The following EXPH5 variants were observed in gnomAD, a reference collection of about 807,000 sequenced individuals.
The protein encoded by EXPH5 is exophilin-5.
EXPH5 carries 42 observed loss-of-function variants against 41.1 expected under a neutral mutation model. The ratio of observed to expected loss-of-function variants is 1.02; its 90% confidence interval spans 0.80 to 1.32. The LOEUF is 1.32. Among genes scored for constraint, EXPH5 ranks in the 40% most tolerant of loss-of-function variants. EXPH5 has a pLI of 0.00. For synonymous variants in EXPH5, 798 were observed against 833.5 expected (o/e 0.96, Z 0.73); for missense variants, 2,298 against 2,314.5 (o/e 0.99, Z 0.15).
chr11:108,535,421 G>A (rs142788272), intron 3 of EXPH5, among the ~76,000 whole-genome samples: 1 of 152,130 alleles, frequency 6.6e-6, no homozygotes, highest in Non-Finnish European at 1.5e-5. Context: ...CACAGAAGGA[G>A]CATTTCCAAA....
intron 1 of EXPH5, among the ~76,000 whole-genome samples, chr11:108,581,043 A>G (rs1379632301): frequency 3.3e-5 from 5 of 152,206 alleles, no homozygotes; most frequent in African/African-American, 7.2e-5. Flanking sequence ...ATGGTGGCTC[A>G]TGCCTGTCAT....
At chr11:108,552,033 T>C (rs1376294132) in intron 1 of EXPH5, 1 of 152,082 alleles carries the variant, frequency 6.6e-6, no homozygotes, top group East Asian at 1.9e-4. Context: ...CTGGGGAAAG[T>C]GTGGCCTTTT....
chr11:108,550,447 T>C (rs2093958288), intron 1 of EXPH5, among the ~76,000 whole-genome samples: 1 of 152,132 alleles, frequency 6.6e-6, no homozygotes, highest in African/African-American at 2.4e-5. Context: ...GCCCACGGAA[T>C]GGTAAGCTAA....
intron 1 of EXPH5, among the ~76,000 whole-genome samples, chr11:108,585,570 T>A (rs77551010): frequency 0.015 from 2,285 of 152,322 alleles, 50 homozygotes; most frequent in African/African-American, 0.051. Flanking sequence ...CTATAAGCAA[T>A]AGATTTCTGC....
chr11:108,599,762 A>G, the EXPH5 span, among the ~76,000 whole-genome samples: 4 of 152,222 alleles, frequency 2.6e-5, no homozygotes, highest in Non-Finnish European at 5.9e-5. Context: ...CACCTGGAAA[A>G]GAAACCTTTT....
At chr11:108,587,950 A>G (rs912348456) in intron 1 of EXPH5, among the ~76,000 whole-genome samples, 104 of 152,228 alleles carry the variant, frequency 6.8e-4, no homozygotes, top group Middle Eastern at 3.4e-3. Context: ...ATGGGGTTTC[A>G]CCGTGTTGGC....
rs190330247 is a variant in EXPH5, at chr11:108,518,359, G to A, written c.507C>T (p.Tyr169=). ...VRGAAVQAKI[Y]NSPLENHLVD... is the part of the protein sequence containing the mutation. ...CTAGATGATTTTCCAGAGGTGAATT[G>A]TATATTTTTGCCTGCTAATTTTAAA... The change falls in exon 5 of 6, where the codon TAC becomes TAT. Residue 169 remains tyrosine (Y), a synonymous_variant. Transcript: ENST00000265843. 20 of 1,613,464 alleles carry A rather than the reference G, an allele frequency of 1.2e-5. No individual in the cohort carries two copies. The Admixed American group carries it at 2.7e-4, about 22-fold the overall frequency.
chr11:108,573,476 C>G lies in EXPH5; in HGVS notation c.119+19942G>C, dbSNP rs933690848. 2.0e-5 allele frequency among the ~76,000 whole-genome samples: 3 copies of G among 152,226 alleles called. No homozygotes were observed. The South Asian group carries it at 6.2e-4, about 32-fold the overall frequency. On this transcript the variant is annotated intron_variant, in intron 1 of 5. Transcript: ENST00000265843. ...TTGTATAGGTATAACAACAATCACA[C>G]TTCTCTGTATGAAAGCTGTGTTTTC...
intron 4 of EXPH5, 121 bp downstream of exon 4, chr11:108,528,014 TC>T: frequency 1.6e-6 from 1 of 630,316 alleles, no homozygotes; most frequent in Non-Finnish European, 2.8e-6. Context: ...TAGGGAGAAA[TC>T]CAAGCTTCTA....
In EXPH5 at chr11:108,512,355, G is replaced by C; in HGVS notation, c.3152C>G (p.Pro1051Arg). 2.5e-6 allele frequency: 4 copies of C among 1,611,416 alleles called. No individual in the cohort carries two copies. Among genetic ancestry groups the C allele is most frequent in the Non-Finnish European group, 3.4e-6 (4 of 1,179,120 alleles). ...TTCCACATTATTTTTGATTTGGAAG[G>C]GAGGTGGCCCATTCCTCAATGAAGC... ...MAASLRNGPP[P>R]FQIKNNVEDA... is the part of the protein sequence containing the mutation. Residue 1051 changes from proline (P) to arginine (R), a missense_variant, in exon 6 of 6, where the codon CCC (proline) becomes CGC (arginine). By Grantham distance (103) the Pro-to-Arg change is moderately radical. Coordinates refer to ENST00000265843, the MANE Select transcript of EXPH5 (RefSeq NM_015065.3).
chr11:108,558,536 G>A (rs559070149), intron 1 of EXPH5, among the ~76,000 whole-genome samples: 1 of 152,286 alleles, frequency 6.6e-6, no homozygotes, highest in East Asian at 1.9e-4. Flanking sequence ...TTTCAGCCTG[G>A]GAAGTCCCAG....
In EXPH5 at chr11:108,511,102, A is replaced by T; in HGVS notation, c.4405T>A (p.Ser1469Thr). Residue 1469 changes from serine to threonine, a missense_variant, in exon 6 of 6, where the codon TCC becomes ACC. By Grantham distance (58) the Ser-to-Thr change is moderately conservative (BLOSUM62 1). Transcript: ENST00000265843. Reference protein sequence around the residue: ...SGKCPQKDHTSTAVGDGSSGS... With the variant: ...SGKCPQKDHTTTAVGDGSSGS... Reference sequence around the variant, plus strand: ...CTGGAGCCATCACCTACAGCTGTGGATGTGTGATCTTTCTGGGGACACTTG... The same window carrying T: ...CTGGAGCCATCACCTACAGCTGTGGTTGTGTGATCTTTCTGGGGACACTTG... 6.2e-7 allele frequency: 1 copy of T among 1,613,996 alleles called. No homozygotes were observed. Among genetic ancestry groups the T allele is most frequent in the Non-Finnish European group, 8.5e-7 (1 of 1,179,932 alleles).
At chr11:108,568,831 C>T (rs955192200) in intron 1 of EXPH5, among the ~76,000 whole-genome samples, 1 of 152,216 alleles carries the variant, frequency 6.6e-6, no homozygotes, top group Admixed American at 6.5e-5. Context: ...TATTAAATCA[C>T]TTGCCTTCTC....
chr11:108,580,286 G>C (rs2094093944), intron 1 of EXPH5, among the ~76,000 whole-genome samples: 1 of 151,818 alleles, frequency 6.6e-6, no homozygotes, highest in Admixed American at 6.6e-5. Flanking sequence ...AAATGGGTGA[G>C]AAATACATGA....
chr11:108,545,074 CTTTTTCAGTGTGA>C (rs1374092335), intron 1 of EXPH5, among the ~76,000 whole-genome samples: 2 of 151,784 alleles, frequency 1.3e-5, no homozygotes, highest in Admixed American at 6.6e-5. Flanking sequence ...GCCAATATTA[CTTTTTCAGTGTGA>C]TTTTTCTGCT....
chr11:108,546,818 CTAT>C (rs201752120), intron 1 of EXPH5, among the ~76,000 whole-genome samples: 60 of 63,718 alleles, frequency 9.4e-4, no homozygotes, highest in African/African-American at 2.9e-3. Flanking sequence ...TGTGCATTTT[CTAT>C]TATTTTTTTT....
intron 3 of EXPH5, among the ~76,000 whole-genome samples, chr11:108,537,248 A>T (rs2093885370): frequency 6.6e-6 from 1 of 152,240 alleles, no homozygotes; most frequent in Non-Finnish European, 1.5e-5. Flanking sequence ...AAATTTAAAA[A>T]TAAAAACGAC....
In EXPH5 at chr11:108,539,101, T is replaced by A; in HGVS notation, c.366A>T (p.Arg122Ser). The A allele has an allele frequency of 6.2e-7, 1 of 1,612,338 alleles. No homozygotes were observed. The highest frequency in any genetic ancestry group is 8.5e-7 in the Non-Finnish European group (1 of 1,178,972). ...PTPFSSRMSF[R>S]SSFASLFSFR... is the part of the protein sequence containing the mutation. ...ATGAGAACAGGGAAGCAAATGACGATCTGAAGCTCATCCGGGAAGAAAAAG... is the reference window on the plus strand; with the variant it reads ...ATGAGAACAGGGAAGCAAATGACGAACTGAAGCTCATCCGGGAAGAAAAAG... Residue 122 changes from arginine to serine, a missense_variant, in exon 3 of 6, where the codon AGA (arginine) becomes AGT (serine). By Grantham distance (110) the Arg-to-Ser change is moderately radical. Transcript: ENST00000265843.
At chr11:108,529,872 C>A (rs888839822) in intron 3 of EXPH5, among the ~76,000 whole-genome samples, 4 of 151,284 alleles carry the variant, frequency 2.6e-5, no homozygotes, top group African/African-American at 2.4e-5. Context: ...ATTTAATAGA[C>A]CATAATGACT....
Sources: allele counts gnomAD v4.1 joint callset (sites outside exome capture counted in the v4.1 genomes callset), GRCh38; gene constraint gnomAD v4.1.1; transcripts MANE v1.5; gene names NCBI Gene and HGNC (gene_info 2026-07-23, HGNC 2026-07-21).